The following ADGRB2 variants were observed in gnomAD, a reference collection of about 807,000 sequenced individuals.
ADGRB2 encodes brain-specific angiogenesis inhibitor 2.
In ADGRB2, 47 loss-of-function variants were observed where a neutral mutation model predicts 178.7. The ratio of observed to expected loss-of-function variants is 0.26; its 90% CI spans 0.21 to 0.34. The LOEUF (loss-of-function observed/expected upper bound fraction) is 0.34. Ranked by LOEUF, ADGRB2 falls within the 10% of genes least tolerant of loss-of-function variation. The pLI is 1.00. For missense variants in ADGRB2, 1,584 were observed against 2,180.8 expected (o/e 0.73, Z 5.45); for synonymous variants, 870 against 912.4 (o/e 0.95, Z 0.84).
intron 26 of ADGRB2, 94 bp from the exon 27 acceptor site, chr1:31,732,706 T>C (rs1296022818): frequency 7.1e-7 from 1 of 1,418,436 alleles, no homozygotes; most frequent in South Asian, 1.2e-5. Flanking sequence ...CAGGCAAGTG[T>C]AGAAGGAAGG....
At position 31,730,702 on chromosome 1, in the gene ADGRB2, G is replaced by A. The variant is rs558355896; in HGVS notation, c.4380+98C>T. 63 of 1,372,034 alleles carry A rather than the reference G, an allele frequency of 4.6e-5. No individual in the cohort carries two copies. In the African/African-American group the frequency reaches 4.8e-4, roughly 10 times the overall value. The allele number at this position is 1,372,034 out of a possible 1,614,324, so 85.0% of individuals were successfully genotyped here. A position where few individuals can be genotyped will look rare whatever the true frequency, so the allele number is the denominator to read the frequency against. Reference sequence around the variant, plus strand: ...TGTATCCACTCCCAGTGACTTTTACGAGAGGCCGCTCTGGGGAGGATGAGG... The same window carrying A: ...TGTATCCACTCCCAGTGACTTTTACAAGAGGCCGCTCTGGGGAGGATGAGG... On this transcript the variant is annotated intron_variant, in intron 29 of 32. Coordinates refer to ENST00000373658, the MANE Select transcript of ADGRB2 (RefSeq NM_001364857.2).
chr1:31,747,777 C>A (rs374398580), intron 4 of ADGRB2, among the ~76,000 whole-genome samples: 2 of 152,230 alleles, frequency 1.3e-5, no homozygotes, highest in East Asian at 1.9e-4. Flanking sequence ...GCTTCCCCCA[C>A]AATGGGGCTC....
At chr1:31,737,314 G>A in intron 20 of ADGRB2, 115 bp downstream of exon 20, 1 of 969,400 alleles carries the variant, frequency 1.0e-6, no homozygotes, top group Non-Finnish European at 1.6e-6. Context: ...ATCCCAACAT[G>A]GGGCACACAT....
At position 31,735,897 on chromosome 1, in the gene ADGRB2, G is replaced by C. The variant is rs1023223338; in HGVS notation, c.3201-4C>G. On this transcript the variant is annotated splice_region_variant and splice_polypyrimidine_tract_variant and intron_variant, in intron 22 of 32. Transcript: ENST00000373658. The surrounding 1 kb of genome is among the most constrained non-coding windows in gnomAD (Gnocchi z 6.0). ...GCCCTCCAGGGAGAGCCAGCAGCTG[G>C]GGTGGGGGAGAAGAAGGGTGTCAGA... is the stretch of plus-strand genomic sequence containing the variant. The C allele has an allele frequency of 2.5e-6, 4 of 1,586,348 alleles. No homozygotes were observed. In the East Asian group the frequency reaches 9.2e-5, roughly 36 times the overall value.
chr1:31,751,819 C>CCTTACT (rs1190219790), intron 4 of ADGRB2, among the ~76,000 whole-genome samples: 1 of 152,086 alleles, frequency 6.6e-6, no homozygotes, highest in Non-Finnish European at 1.5e-5. Context: ...TGGTTTAATC[C>CCTTACT]CTTACTCTTC....
chr1:31,734,923 C>T (rs1200631617), intron 25 of ADGRB2, among the ~76,000 whole-genome samples: 2 of 152,152 alleles, frequency 1.3e-5, no homozygotes, highest in South Asian at 2.1e-4. Flanking sequence ...CAGGATAGAA[C>T]ATTAGCTGGG....
Position 31,728,052 on chromosome 1 carries a change from A to G in ADGRB2, c.4545T>C (p.Gly1515=). The change falls in exon 32 of 33, where the codon GGT becomes GGC. Residue 1515 remains glycine, a synonymous_variant. Transcript: ENST00000373658. This position sits in a 1 kb window ranked among gnomAD's most constrained non-coding sequence, Gnocchi z 6.7. The part of the protein sequence containing the change: ...KREKRWSVSS[G]GAAERSVCTD... ...TGCACACGCTCCGCTCGGCTGCCCC[A>G]CCCGAGGACACACTCCACCGCTTCT... The G allele has an allele frequency of 1.3e-6, 2 of 1,592,934 alleles. No individual in the cohort carries two copies. The highest frequency in any genetic ancestry group is 1.1e-5 in the South Asian group (1 of 88,870).
Position 31,740,093 on chromosome 1 carries a change from G to A in ADGRB2, c.2058+17C>T. 6.2e-7 allele frequency: 1 copy of A among 1,614,144 alleles called. No individual in the cohort carries two copies. Among genetic ancestry groups the A allele is most frequent in the Non-Finnish European group, 8.5e-7 (1 of 1,180,014 alleles). On this transcript the variant is annotated intron_variant, in intron 13 of 32. Transcript: ENST00000373658. This position sits in a 1 kb window ranked among gnomAD's most constrained non-coding sequence, Gnocchi z 5.9. ...GGGTGGGTCACGGGAGGAGAAGCTGGCAGCTGTGCCCCGCACCTGCTGAGC... is the reference window on the plus strand; with the variant it reads ...GGGTGGGTCACGGGAGGAGAAGCTGACAGCTGTGCCCCGCACCTGCTGAGC...
At chr1:31,762,159 T>C (rs1570109909) in intron 1 of ADGRB2, among the ~76,000 whole-genome samples, 2 of 152,096 alleles carry the variant, frequency 1.3e-5, no homozygotes, top group Admixed American at 1.3e-4. Flanking sequence ...AGACTAGACA[T>C]GTCCTTTTGA....
intron 1 of ADGRB2, among the ~76,000 whole-genome samples, chr1:31,757,761 T>A (rs764922069): frequency 2.0e-5 from 3 of 152,150 alleles, no homozygotes; most frequent in Non-Finnish European, 2.9e-5. Flanking sequence ...AGTCGTGACC[T>A]CTCTCCTATA....
chr1:31,749,214 A>G (rs2149010990), intron 4 of ADGRB2, among the ~76,000 whole-genome samples: 1 of 152,252 alleles, frequency 6.6e-6, no homozygotes, highest in South Asian at 2.1e-4. Flanking sequence ...TGTAACCTCC[A>G]AAGTGAGCCT....
intron 7 of ADGRB2, 36 bp downstream of exon 7, chr1:31,742,802 G>T: frequency 7.1e-7 from 1 of 1,402,946 alleles, no homozygotes; most frequent in Admixed American, 2.9e-5. Context: ...ACCGGGCTGG[G>T]CAGCGCCCTC....
At position 31,737,745 on chromosome 1, in the gene ADGRB2, A is replaced by C; in HGVS notation, c.2783T>G (p.Leu928Arg). Residue 928 changes from leucine (L) to arginine (R), a missense_variant, in exon 19 of 33, where the codon CTG (leucine) becomes CGG (arginine). Physicochemically the swap from Leu to Arg is moderately radical, Grantham distance 102. Around this residue, in one of 3 missense-constraint regions of ADGRB2, gnomAD observed 865 missense variants for 1,192.8 expected, o/e 0.73. Transcript: ENST00000373658. ...AQPPKDLTLE[L>R]AGSPSVPLVI... is the part of the protein sequence containing the mutation. Reference sequence around the variant, plus strand: ...CAGGGGGACCGAGGGGGAGCCCGCCAGCTCCAGGGTCTGGGGAAGATGGGC... The same window carrying C: ...CAGGGGGACCGAGGGGGAGCCCGCCCGCTCCAGGGTCTGGGGAAGATGGGC... The C allele has an allele frequency of 1.2e-6, 2 of 1,613,568 alleles. No homozygotes were observed. The highest frequency in any genetic ancestry group is 1.7e-6 in the Non-Finnish European group (2 of 1,180,004).
chr1:31,730,393 T>A (rs1645216534), intron 29 of ADGRB2, among the ~76,000 whole-genome samples: 1 of 152,180 alleles, frequency 6.6e-6, no homozygotes. Context: ...ACTGCTACGG[T>A]ATCCCCACTT....
At position 31,727,598 on chromosome 1, in the gene ADGRB2, G is replaced by A; in HGVS notation, c.4580C>T (p.Pro1527Leu). The A allele has an allele frequency of 6.5e-7, 1 of 1,530,872 alleles. No homozygotes were observed. The highest frequency in any genetic ancestry group is 8.7e-7 in the Non-Finnish European group (1 of 1,146,752). The allele number at this position is 1,530,872 out of a possible 1,614,324, so 94.8% of individuals were successfully genotyped here. Residue 1527 changes from proline to leucine, a missense_variant, in exon 33 of 33, where the codon CCC becomes CTC. Transcript: ENST00000373658. The surrounding 1 kb of genome is among the most constrained non-coding windows in gnomAD (Gnocchi z 4.4). ...CAAGCTGGGGCGCTCCCCAGGGCTG[G>A]GCTTATCCTGTGGAGGGAGCGGGAG... ...AAERSVCTDK[P>L]SPGERPSLSQ...
chr1:31,757,990 G>T (rs962833069), intron 1 of ADGRB2, among the ~76,000 whole-genome samples: 2 of 152,110 alleles, frequency 1.3e-5, no homozygotes, highest in African/African-American at 2.4e-5. Flanking sequence ...GGCTGAGGAT[G>T]GGGGGAGCTG....
Position 31,756,502 on chromosome 1 carries a change from G to T in ADGRB2, c.335C>A (p.Pro112His). Residue 112 changes from proline (P) to histidine (H), a missense_variant, in exon 4 of 33, where the codon CCT (proline) becomes CAT (histidine). By Grantham distance (77) the Pro-to-His change is moderately conservative. Coordinates refer to ENST00000373658, the MANE Select transcript of ADGRB2 (RefSeq NM_001364857.2). The surrounding 1 kb of genome is among the most constrained non-coding windows in gnomAD (Gnocchi z 8.5). ...CTGGGCCACCGCCTCCTCGGGGCTA[G>T]GCCGCAGGCAGGTAAAGTTGACCAG... ...HYLVNFTCLR[P>H]SPEEAVAQAE... The T allele has an allele frequency of 6.2e-7, 1 of 1,612,982 alleles. No individual in the cohort carries two copies. The highest frequency in any genetic ancestry group is 8.5e-7 in the Non-Finnish European group (1 of 1,179,602).
At chr1:31,757,672 C>T (rs1345591842) in intron 1 of ADGRB2, among the ~76,000 whole-genome samples, 161 bp from the exon 2 acceptor site, 1 of 152,190 alleles carries the variant, frequency 6.6e-6, no homozygotes, top group Non-Finnish European at 1.5e-5. Context: ...TCCCCTCCAG[C>T]TCCATGGGAT....
Position 31,759,632 on chromosome 1 carries a change from C to T in ADGRB2, c.-190-2121G>A, listed in dbSNP as rs999597141. ...TGGACATGCGTAACCCTCACTGTGCCGGCTATGACATAAGACCTTTTGGGG... is the reference window on the plus strand; with the variant it reads ...TGGACATGCGTAACCCTCACTGTGCTGGCTATGACATAAGACCTTTTGGGG... On this transcript the variant is annotated intron_variant, in intron 1 of 32. Coordinates refer to ENST00000373658, the MANE Select transcript of ADGRB2 (RefSeq NM_001364857.2). This position sits in a 1 kb window ranked among gnomAD's most constrained non-coding sequence, Gnocchi z 4.3. Among the ~76,000 whole-genome samples the T allele has an allele frequency of 6.6e-6, 1 of 152,194 alleles. No homozygotes were observed. The highest frequency in any genetic ancestry group is 2.4e-5 in the African/African-American group (1 of 41,442).
Sources: allele counts gnomAD v4.1 joint callset (sites outside exome capture counted in the v4.1 genomes callset), GRCh38; gene constraint gnomAD v4.1.1; regional missense constraint gnomAD v4.1.1; non-coding constraint Gnocchi (gnomAD v3.1); transcripts MANE v1.5; gene names NCBI Gene and HGNC (gene_info 2026-07-23, HGNC 2026-07-21).